Variants in ROBO2 observed in about 807,000 individuals in gnomAD.
The protein encoded by ROBO2 is roundabout homolog 2.
Under a neutral mutation model 160.8 loss-of-function variants are expected in ROBO2, and 53 were observed. That is an observed-to-expected ratio of 0.33 (90% CI 0.26 to 0.41). The LOEUF (loss-of-function observed/expected upper bound fraction) is 0.41. ROBO2 is among the 10% of genes least tolerant of loss of function. The probability of loss-of-function intolerance (pLI) is 1.00; values close to 1 mark genes in which losing one functional copy is unlikely to be tolerated. For synonymous variants in ROBO2, 664 were observed against 611.7 expected (o/e 1.09, Z -1.26); for missense variants, 1,577 against 1,722.4 (o/e 0.92, Z 1.49).
At chr3:76,416,116 C>T (rs1207816117) in intron 2 of ROBO2, among the ~76,000 whole-genome samples, 1 of 151,942 alleles carries the variant, frequency 6.6e-6, no homozygotes, top group East Asian at 1.9e-4. Context: ...ATTCTGAAAA[C>T]ACTTGCTCTC....
At chr3:76,681,921 A>T (rs765659632) in intron 2 of ROBO2, among the ~76,000 whole-genome samples, 7 of 152,170 alleles carry the variant, frequency 4.6e-5, no homozygotes, top group Non-Finnish European at 1.0e-4. Flanking sequence ...TTCATTTGAA[A>T]TAAAGTCAGA....
chr3:77,053,792 T>C (rs1682222437), intron 1 of ROBO2, among the ~76,000 whole-genome samples: 1 of 152,102 alleles, frequency 6.6e-6, no homozygotes, highest in Non-Finnish European at 1.5e-5. Context: ...TTCAGGGAAA[T>C]AATCAGAAAT....
chr3:76,082,406 G>C (rs942540395), intron 2 of ROBO2, among the ~76,000 whole-genome samples: 4 of 152,086 alleles, frequency 2.6e-5, no homozygotes, highest in African/African-American at 9.7e-5. Context: ...TAGATGATGA[G>C]AGTATAGGAT....
intron 1 of ROBO2, among the ~76,000 whole-genome samples, chr3:75,909,254 C>G (rs1246876763): frequency 6.6e-6 from 1 of 152,108 alleles, no homozygotes; most frequent in Non-Finnish European, 1.5e-5. Context: ...GTTGATCCTA[C>G]ATAATCTCTT....
chr3:76,560,958 A>G (rs866735360), intron 2 of ROBO2, among the ~76,000 whole-genome samples: 4 of 130,752 alleles, frequency 3.1e-5, no homozygotes, highest in African/African-American at 1.1e-4. Flanking sequence ...ATATATATAT[A>G]TATATATATA....
intron 16 of ROBO2, among the ~76,000 whole-genome samples, chr3:77,581,169 T>C (rs2093908492): frequency 6.6e-6 from 1 of 152,178 alleles, no homozygotes. Flanking sequence ...AAAAATTGGG[T>C]TGTCTCTTGT....
chr3:77,182,403 T>C (rs892199526), intron 2 of ROBO2, among the ~76,000 whole-genome samples: 8 of 152,084 alleles, frequency 5.3e-5, no homozygotes, highest in Admixed American at 3.3e-4. Context: ...AAATAAATGA[T>C]TGTAGAGTAC....
At chr3:76,569,118 A>G (rs1048373129) in intron 2 of ROBO2, among the ~76,000 whole-genome samples, 3 of 152,194 alleles carry the variant, frequency 2.0e-5, no homozygotes, top group African/African-American at 7.2e-5. Context: ...ATAGACACCC[A>G]TCTATATTTT....
At chr3:76,290,792 T>C (rs1708763679) in intron 2 of ROBO2, among the ~76,000 whole-genome samples, 1 of 152,116 alleles carries the variant, frequency 6.6e-6, no homozygotes, top group Non-Finnish European at 1.5e-5. Flanking sequence ...GTAGTTTTTA[T>C]TTTTGGTTTT....
At chr3:76,121,791 C>T (rs564624640) in intron 2 of ROBO2, among the ~76,000 whole-genome samples, 3 of 152,112 alleles carry the variant, frequency 2.0e-5, no homozygotes, top group Non-Finnish European at 4.4e-5. Context: ...GCCATGAATA[C>T]CAAGGTATGT....
intron 2 of ROBO2, among the ~76,000 whole-genome samples, chr3:76,940,755 A>G (rs2078134029): frequency 6.6e-6 from 1 of 152,222 alleles, no homozygotes; most frequent in Non-Finnish European, 1.5e-5. Context: ...TTTATTGCAC[A>G]ATGTATACAT....
intron 2 of ROBO2, among the ~76,000 whole-genome samples, chr3:76,145,949 G>A (rs950096185): frequency 1.3e-5 from 2 of 152,052 alleles, no homozygotes; most frequent in South Asian, 2.1e-4. Context: ...GGAAATGGTC[G>A]CAGTGAGGGG....
chr3:76,172,970 C>T (rs1455854197), intron 2 of ROBO2, among the ~76,000 whole-genome samples: 1 of 151,760 alleles, frequency 6.6e-6, no homozygotes, highest in South Asian at 2.1e-4. Flanking sequence ...GATGACTGGA[C>T]CTCAGTAAAA....
chr3:76,797,141 T>G (rs975311311), intron 2 of ROBO2, among the ~76,000 whole-genome samples: 2 of 152,122 alleles, frequency 1.3e-5, no homozygotes, highest in Non-Finnish European at 2.9e-5. Context: ...GGCTGCAGAA[T>G]ACACATTCTT....
intron 1 of ROBO2, among the ~76,000 whole-genome samples, chr3:75,924,299 A>G (rs1462271669): frequency 6.6e-6 from 1 of 152,086 alleles, no homozygotes; most frequent in Non-Finnish European, 1.5e-5. Flanking sequence ...AAGAACCTTC[A>G]AACAGGAAGG....
chr3:76,314,072 A>G (rs2071795897), intron 2 of ROBO2, among the ~76,000 whole-genome samples: 2 of 152,156 alleles, frequency 1.3e-5, no homozygotes, highest in African/African-American at 4.8e-5. Context: ...TAAGCTCATC[A>G]ATGAACATGA....
intron 2 of ROBO2, among the ~76,000 whole-genome samples, chr3:76,672,377 T>G (rs1186378081): frequency 6.6e-6 from 1 of 152,164 alleles, no homozygotes; most frequent in Admixed American, 6.6e-5. Flanking sequence ...CTAGACAATA[T>G]CTTTATTTTG....
chr3:77,582,820 C>T (rs2093953131), intron 16 of ROBO2, among the ~76,000 whole-genome samples: 1 of 152,028 alleles, frequency 6.6e-6, no homozygotes, highest in Non-Finnish European at 1.5e-5. Flanking sequence ...GTGCAGTTCT[C>T]ATATTTATCT....
intron 2 of ROBO2, among the ~76,000 whole-genome samples, chr3:76,899,378 T>C (rs938257212): frequency 1.3e-5 from 2 of 152,098 alleles, no homozygotes; most frequent in Non-Finnish European, 2.9e-5. Flanking sequence ...AGAATAACAA[T>C]ACAACGGAGG....
Sources: allele counts gnomAD v4.1 joint callset (sites outside exome capture counted in the v4.1 genomes callset), GRCh38; gene constraint gnomAD v4.1.1; transcripts MANE v1.5; gene names NCBI Gene and HGNC (gene_info 2026-07-23, HGNC 2026-07-21).